Variants in DET1 observed in about 807,000 individuals in gnomAD.
DET1 encodes the protein DET1 partner of COP1 E3 ubiquitin ligase.
In DET1, 22 loss-of-function variants were observed where a neutral mutation model predicts 43.7. The observed-to-expected ratio is 0.50, with a 90% CI of 0.36 to 0.72. The LOEUF (loss-of-function observed/expected upper bound fraction) is 0.72. DET1 is among the 30% of genes least tolerant of loss of function. The pLI is 0.00. For missense variants in DET1, 713 were observed against 713.3 expected, an observed-to-expected ratio of 1.00 and a Z score of 0.00; for synonymous variants, 315 against 266.2, an observed-to-expected ratio of 1.18 and a Z score of -1.79.
chr15:88,510,771 G>GTTTTTTTTTTTT (rs72302105), downstream of DET1, among the ~76,000 whole-genome samples: 1 of 132,968 alleles, frequency 7.5e-6, no homozygotes, highest in Non-Finnish European at 1.6e-5. Flanking sequence ...TTTTTTTTTT[G>GTTTTTTTTTTTT]TTTTTTTTTT....
intron 1 of DET1, among the ~76,000 whole-genome samples, chr15:88,533,099 T>TCATATACCC (rs2056858431): frequency 6.6e-6 from 1 of 152,114 alleles, no homozygotes; most frequent in Non-Finnish European, 1.5e-5. Flanking sequence ...TAACAAAAAA[T>TCATATACCC]CATATACCCA....
intron 1 of DET1, among the ~76,000 whole-genome samples, chr15:88,534,088 G>A (rs1169334968): frequency 1.3e-5 from 2 of 152,044 alleles, no homozygotes; most frequent in Admixed American, 6.6e-5. Flanking sequence ...CTTACAATCA[G>A]TTAAGACGGT....
In DET1 at chr15:88,516,910, C is replaced by T. The variant is rs368152381; in HGVS notation, c.1335G>A (p.Leu445=). The change falls in exon 4 of 5, where the codon CTG becomes CTA. Residue 445 remains leucine (L), a synonymous_variant. Transcript: ENST00000268148. The surrounding 1 kb of genome is among the most constrained non-coding windows in gnomAD (Gnocchi z 4.4). ...ACTGAGCACTGATGGGGAGCTGACC[C>T]AGCAGCCGGCGTACTGCCTCTGTGT... ...GGHTEAVRRL[L]GQLPISAQSY... The T allele has an allele frequency of 3.7e-6, 6 of 1,609,714 alleles. No individual in the cohort carries two copies. The African/African-American group carries it at 8.0e-5, about 22-fold the overall frequency.
At chr15:88,522,804 C>T (rs1170115800) in intron 3 of DET1, among the ~76,000 whole-genome samples, 3 of 151,894 alleles carry the variant, frequency 2.0e-5, no homozygotes, top group Admixed American at 2.0e-4. Flanking sequence ...AGGCATGAGC[C>T]ACCGCGCACC....
chr15:88,518,206 T>C (rs2056398628), intron 3 of DET1, among the ~76,000 whole-genome samples: 1 of 151,368 alleles, frequency 6.6e-6, no homozygotes, highest in South Asian at 2.1e-4. Flanking sequence ...CCTTCCAAAG[T>C]GCTGGGATTA....
At position 88,515,539 on chromosome 15, in the gene DET1, A is replaced by T. The variant is rs1269222194; in HGVS notation, c.1463+1243T>A. Among the ~76,000 whole-genome samples the T allele has an allele frequency of 3.2e-3, 176 of 54,314 alleles. 9 individuals are homozygous for T. Among genetic ancestry groups the T allele is most frequent in the African/African-American group, 0.012 (169 of 14,650 alleles). 35.6% of individuals were successfully genotyped at this position (54,314 alleles called of 152,430 possible). A position where few individuals can be genotyped will look rare whatever the true frequency, so the allele number is the denominator to read the frequency against. On this transcript the variant is annotated intron_variant, in intron 4 of 4. Transcript: ENST00000268148. ...GGGCAACAGACAGAGACTCCGTCTTATAAAAAAAAAAAAAAAAAAAAAAAA... is the reference window on the plus strand; with the variant it reads ...GGGCAACAGACAGAGACTCCGTCTTTTAAAAAAAAAAAAAAAAAAAAAAAA...
chr15:88,533,260 C>G (rs184826535), intron 1 of DET1, among the ~76,000 whole-genome samples: 1 of 152,116 alleles, frequency 6.6e-6, no homozygotes, highest in African/African-American at 2.4e-5. Flanking sequence ...ATTAGAACGA[C>G]TGCTTTTTTT....
chr15:88,544,271 C>T (rs7169679), intron 1 of DET1, among the ~76,000 whole-genome samples: 33,904 of 152,058 alleles, frequency 0.22, 4,884 homozygotes, highest in African/African-American at 0.4. Flanking sequence ...GACACTCTTA[C>T]AAAATTAATT....
chr15:88,531,381 T>C lies in DET1; in HGVS notation c.325A>G (p.Asn109Asp). The C allele has an allele frequency of 3.1e-6, 5 of 1,614,058 alleles. No homozygotes were observed. In the South Asian group the frequency reaches 3.3e-5, roughly 11 times the overall value. Residue 109 changes from asparagine to aspartate, a missense_variant, in exon 2 of 5, where the codon AAT becomes GAT. Transcript: ENST00000268148. The surrounding 1 kb of genome is among the most constrained non-coding windows in gnomAD (Gnocchi z 6.2). Reference protein sequence around the residue: ...GYEGEILSNGNDQRSVNIRGR... With the variant: ...GYEGEILSNGDDQRSVNIRGR... ...CGGATATTCACTGACCGCTGGTCAT[T>C]GCCATTGGACAGGATTTCTCCTTCG...
intron 2 of DET1, among the ~76,000 whole-genome samples, chr15:88,528,336 C>T (rs1160961038): frequency 6.6e-6 from 1 of 152,216 alleles, no homozygotes; most frequent in Admixed American, 6.5e-5. Flanking sequence ...ATATTTCTAA[C>T]ATGCAGAGAG....
At chr15:88,511,969 A>G (rs959698706), downstream of DET1, among the ~76,000 whole-genome samples, 1 of 152,194 alleles carries the variant, frequency 6.6e-6, no homozygotes, top group Non-Finnish European at 1.5e-5. Context: ...TGGCGGATAC[A>G]TTATGCAGAT....
intron 1 of DET1, among the ~76,000 whole-genome samples, chr15:88,540,663 C>A (rs965501564): frequency 6.7e-6 from 1 of 149,282 alleles, no homozygotes; most frequent in Admixed American, 6.7e-5. Flanking sequence ...CCTTGAGATT[C>A]TGTTAATCTA....
At chr15:88,513,894 G>C (rs1006750903) in intron 4 of DET1, among the ~76,000 whole-genome samples, 7 of 145,678 alleles carry the variant, frequency 4.8e-5, no homozygotes, top group Non-Finnish European at 1.0e-4. Flanking sequence ...CCGCCTCCCG[G>C]GTTCACGCCA....
intron 4 of DET1, among the ~76,000 whole-genome samples, chr15:88,515,112 G>A (rs1302582758): frequency 6.6e-6 from 1 of 152,090 alleles, no homozygotes; most frequent in Admixed American, 6.5e-5. Flanking sequence ...GGGTAAATAA[G>A]AAATACAGTA....
At chr15:88,527,966 A>C (rs1047812984) in intron 2 of DET1, among the ~76,000 whole-genome samples, 180 bp from the exon 3 acceptor site, 1 of 152,238 alleles carries the variant, frequency 6.6e-6, no homozygotes, top group Admixed American at 6.5e-5. Context: ...CATGGCTCCA[A>C]GTGGTTCTGG....
downstream of DET1, chr15:88,511,402 T>G (rs1273060420): frequency 1.5e-5 from 15 of 985,324 alleles, no homozygotes; most frequent in Non-Finnish European, 1.8e-5. Flanking sequence ...CTCACCCCAG[T>G]GTATGCTGCA....
rs536499439 is a variant in DET1 at position 88,523,967 on chromosome 15, C to A, written c.1271+3632G>T. Reference sequence around the variant, plus strand: ...CTGGAAAGTGAGGAGCGTCTCCACCCGGCCGCCATCCCATCTAGGAAGTGA... The same window carrying A: ...CTGGAAAGTGAGGAGCGTCTCCACCAGGCCGCCATCCCATCTAGGAAGTGA... On this transcript the variant is annotated intron_variant, in intron 3 of 4. Transcript: ENST00000268148. 5.6e-4 allele frequency among the ~76,000 whole-genome samples: 84 copies of A among 151,154 alleles called. 1 individual carries two copies. Among genetic ancestry groups the A allele is most frequent in the African/African-American group, 1.8e-3 (74 of 41,070 alleles).
Position 88,542,736 on chromosome 15 carries a change from G to C in DET1, c.-11+3804C>G, listed in dbSNP as rs148317713. 3.7e-3 allele frequency among the ~76,000 whole-genome samples: 567 copies of C among 152,290 alleles called. 3 individuals carry two copies. Among genetic ancestry groups the C allele is most frequent in the African/African-American group, 0.013 (553 of 41,554 alleles). Reference sequence around the variant, plus strand: ...AAAAATCTTACTAATGGCTATCCAAGAGGGCAGAAAGGAAAGGCCCCCATT... The same window carrying C: ...AAAAATCTTACTAATGGCTATCCAACAGGGCAGAAAGGAAAGGCCCCCATT... On this transcript the variant is annotated intron_variant, in intron 1 of 4. Coordinates refer to ENST00000268148, the MANE Select transcript of DET1 (RefSeq NM_001144074.3).
chr15:88,503,761 G>A (rs1215733001), intron 8 of DET1: 1 of 152,176 alleles, frequency 6.6e-6, no homozygotes, highest in African/African-American at 2.4e-5. Context: ...ACTTTGGAAG[G>A]CCAAGGTAGG....
Sources: gnomAD v4.1 joint callset for allele counts (sites outside exome capture counted in the v4.1 genomes callset) on GRCh38, gnomAD v4.1.1 for gene constraint, Gnocchi (gnomAD v3.1) non-coding constraint, MANE v1.5 for transcripts, NCBI Gene and HGNC (gene_info 2026-07-23, HGNC 2026-07-21) for gene names.